The following NUMA1 variants were observed in gnomAD, a reference collection of about 807,000 sequenced individuals.
NUMA1 encodes SP-H antigen.
In NUMA1, 62 loss-of-function variants were observed where a neutral mutation model predicts 237.1. That is an observed-to-expected ratio of 0.26 (90% CI 0.21 to 0.32). NUMA1 has a LOEUF of 0.32. NUMA1 is among the 10% of genes least tolerant of loss of function. The pLI is 1.00. For synonymous variants in NUMA1, 1,028 were observed against 1,066.1 expected (o/e 0.96, Z 0.70); for missense variants, 2,533 against 2,666.5 (o/e 0.95, Z 1.10).
intron 4 of NUMA1, among the ~76,000 whole-genome samples, chr11:72,025,382 A>G (rs1939441449): frequency 6.6e-6 from 1 of 151,954 alleles, no homozygotes; most frequent in African/African-American, 2.4e-5. Flanking sequence ...ACTGCACTCC[A>G]GCCTGGGCAA....
intron 1 of NUMA1, among the ~76,000 whole-genome samples, chr11:72,079,936 C>G (rs1404321274): frequency 6.6e-6 from 1 of 152,062 alleles, no homozygotes; most frequent in African/African-American, 2.4e-5. Flanking sequence ...ACCCATAAAC[C>G]CAAAGTAGAG....
At position 72,016,431 on chromosome 11, in the gene NUMA1, C is replaced by T. The variant is rs772322695; in HGVS notation, c.1219G>A (p.Glu407Lys). 2 of 1,614,094 alleles carry T rather than the reference C, an allele frequency of 1.2e-6. No individual in the cohort carries two copies. Among genetic ancestry groups the T allele is most frequent in the African/African-American group, 1.3e-5 (1 of 75,040 alleles). ...LQDNPPQEKG[E>K]VLGDVLQLET... ...ACCTGCAAGACATCACCCAGCACCT[C>T]GCCCTTCTCCTGGGGTGGGTTATCC... is the stretch of plus-strand genomic sequence containing the variant. Residue 407 changes from glutamate to lysine, a missense_variant, in exon 14 of 27, where the codon GAG becomes AAG. Glu to Lys is a moderately conservative substitution (Grantham distance 56). Coordinates refer to ENST00000393695, the MANE Select transcript of NUMA1 (RefSeq NM_006185.4).
chr11:72,056,022 G>A (rs545018408), intron 2 of NUMA1, among the ~76,000 whole-genome samples: 5 of 151,522 alleles, frequency 3.3e-5, no homozygotes, highest in African/African-American at 4.8e-5. Context: ...GGTGGTGCAC[G>A]CCTATAATCC....
In NUMA1 at chr11:72,022,402, T is replaced by G; in HGVS notation, c.309A>C (p.Leu103Phe). ...LELAKMTMLL[L>F]YHSTMSSKSP... ...TTTTGGAGCTCATGGTAGAGTGGTA[T>G]AAGAGCAGCATGGTCATCTAGAAGC... Residue 103 changes from leucine (L) to phenylalanine (F), a missense_variant, in exon 7 of 27, where the codon TTA (leucine) becomes TTC (phenylalanine). Leu to Phe is a conservative substitution (Grantham distance 22). Around this residue, in one of 3 missense-constraint regions of NUMA1, gnomAD observed 1,414 missense variants for 1,508.1 expected, o/e 0.94. Coordinates refer to ENST00000393695, the MANE Select transcript of NUMA1 (RefSeq NM_006185.4). 2.5e-6 allele frequency: 4 copies of G among 1,613,318 alleles called. No individual in the cohort carries two copies. Among genetic ancestry groups the G allele is most frequent in the Non-Finnish European group, 3.4e-6 (4 of 1,179,502 alleles).
At chr11:72,003,612 C>T in intron 26 of NUMA1, 74 bp from the exon 27 acceptor site, 2 of 1,582,188 alleles carry the variant, frequency 1.3e-6, no homozygotes, top group Non-Finnish European at 1.7e-6. Flanking sequence ...GGGAAGATCT[C>T]TTCCTGCTCC....
At chr11:72,028,585 GAC>G (rs963121688) in intron 4 of NUMA1, among the ~76,000 whole-genome samples, 6 of 150,152 alleles carry the variant, frequency 4.0e-5, no homozygotes, top group East Asian at 2.0e-4. Flanking sequence ...ATGTGCTAAA[GAC>G]ACAGACCAAA....
chr11:72,003,623 C>A, intron 26 of NUMA1, 85 bp from the exon 27 acceptor site: 1 of 1,553,190 alleles, frequency 6.4e-7, no homozygotes, highest in Non-Finnish European at 8.9e-7. Flanking sequence ...TTCCTGCTCC[C>A]ACGCCCCTGT....
intron 24 of NUMA1, 95 bp downstream of exon 24, chr11:72,004,545 G>A: frequency 7.5e-7 from 1 of 1,341,546 alleles, no homozygotes; most frequent in Non-Finnish European, 1.0e-6. Flanking sequence ...AGGGGGAAGT[G>A]AGGGAAGGAG....
chr11:72,061,548 C>T (rs893985261), intron 2 of NUMA1, among the ~76,000 whole-genome samples: 5 of 136,662 alleles, frequency 3.7e-5, no homozygotes, highest in African/African-American at 1.1e-4. Flanking sequence ...TGGAGTGCAG[C>T]GGTACAATCA....
At chr11:72,030,700 G>A (rs1940192494) in intron 3 of NUMA1, among the ~76,000 whole-genome samples, 2 of 152,232 alleles carry the variant, frequency 1.3e-5, no homozygotes, top group South Asian at 4.1e-4. Context: ...TAAGAGGGGA[G>A]AGAGACTGAG....
chr11:72,079,295 C>T (rs1423831531), intron 1 of NUMA1, among the ~76,000 whole-genome samples: 2 of 151,874 alleles, frequency 1.3e-5, no homozygotes, highest in Non-Finnish European at 2.9e-5. Flanking sequence ...TAATCCCAAG[C>T]ACTTTGGGAA....
Position 72,009,128 on chromosome 11 carries a change from C to T in NUMA1, c.4897G>A (p.Glu1633Lys), listed in dbSNP as rs1955960964. The T allele has an allele frequency of 6.3e-7, 1 of 1,574,850 alleles. No homozygotes were observed. The highest frequency in any genetic ancestry group is 1.1e-5 in the South Asian group (1 of 90,438). ...AGCTGCTCCAGGCTCCGCAGCTGCT[C>T]CTGCAGCTCTTGGTTCTGCTGCTTC... is the stretch of plus-strand genomic sequence containing the variant. ...AKKQQNQELQ[E>K]QLRSLEQLQK... The change falls in exon 19 of 27, where the codon GAG becomes AAG. Residue 1633 changes from glutamate (E) to lysine (K), a missense_variant. Around this residue, in one of 3 missense-constraint regions of NUMA1, gnomAD observed 795 missense variants for 750.8 expected, o/e 1.06. Coordinates refer to ENST00000393695, the MANE Select transcript of NUMA1 (RefSeq NM_006185.4).
rs531160671 is a variant in NUMA1 at position 72,012,478 on chromosome 11, G to A, written c.4609-36C>T. On this transcript the variant is annotated intron_variant, in intron 15 of 26. Coordinates refer to ENST00000393695, the MANE Select transcript of NUMA1 (RefSeq NM_006185.4). ...GGGAGGAGCAACAGAGACAGAGTGA[G>A]ATGAGGCCAAAGAAGCACCAGCCCT... is the stretch of plus-strand genomic sequence containing the variant. 2,347 of 1,603,844 alleles carry A rather than the reference G, an allele frequency of 1.5e-3. 55 individuals carry two copies. The South Asian group carries it at 0.025, about 17-fold the overall frequency.
intron 22 of NUMA1, 39 bp downstream of exon 22, chr11:72,005,996 C>A (rs778575142): frequency 1.5e-5 from 23 of 1,486,840 alleles, no homozygotes; most frequent in South Asian, 2.4e-5. Flanking sequence ...ACCTTCCAGT[C>A]TAATTTTGGG....
intron 4 of NUMA1, among the ~76,000 whole-genome samples, chr11:72,026,087 C>G (rs926507856): frequency 6.6e-6 from 1 of 152,114 alleles, no homozygotes; most frequent in Non-Finnish European, 1.5e-5. Context: ...ACCACAAAAC[C>G]CTTTTCCCCC....
chr11:72,006,502 C>T (rs995254800), intron 21 of NUMA1, among the ~76,000 whole-genome samples: 12 of 152,126 alleles, frequency 7.9e-5, no homozygotes, highest in Admixed American at 7.2e-4. Flanking sequence ...ATTCATAATG[C>T]TTTGAGGTAG....
intron 7 of NUMA1, 116 bp from the exon 8 acceptor site, chr11:72,021,407 G>A (rs567002919): frequency 2.4e-5 from 20 of 850,254 alleles, no homozygotes; most frequent in African/African-American, 3.4e-5. Context: ...CTAGGAGCCT[G>A]CTGGATCCCA....
At chr11:72,065,366 A>G (rs944027182) in intron 2 of NUMA1, 4 of 152,162 alleles carry the variant, frequency 2.6e-5, no homozygotes, top group Non-Finnish European at 5.9e-5. Flanking sequence ...CTGAAAGCAT[A>G]TAAAAATCCT....
At chr11:72,059,274 C>T (rs1487538783) in intron 2 of NUMA1, among the ~76,000 whole-genome samples, 1 of 152,118 alleles carries the variant, frequency 6.6e-6, no homozygotes, top group Non-Finnish European at 1.5e-5. Flanking sequence ...AGATTCCTCA[C>T]ATTTTTAATT....
Sources: gnomAD v4.1 joint callset for allele counts (sites outside exome capture counted in the v4.1 genomes callset) on GRCh38, gnomAD v4.1.1 for gene constraint, gnomAD v4.1.1 regional missense constraint, MANE v1.5 for transcripts, NCBI Gene and HGNC (gene_info 2026-07-23, HGNC 2026-07-21) for gene names.